The following C14orf132 variants were observed in gnomAD, a reference collection of about 807,000 sequenced individuals.
C14orf132 encodes uncharacterized protein C14orf132.
In C14orf132, 6 loss-of-function variants were observed where a neutral mutation model predicts 5.8. That is an observed-to-expected ratio of 1.03 (90% CI 0.57 to 2.04). The LOEUF (loss-of-function observed/expected upper bound fraction) is 2.04, where lower values mean the gene tolerates loss of function less well. Ranked by LOEUF, C14orf132 falls within the 30% of genes most tolerant of loss-of-function variation. C14orf132 has a pLI of 0.00. For synonymous variants in C14orf132, 51 were observed against 49.8 expected, an observed-to-expected ratio of 1.02 and a Z score of -0.10; for missense variants, 125 against 115.8, an observed-to-expected ratio of 1.08 and a Z score of -0.37.
chr14:96,057,197 C>T (rs1172743777), intron 1 of C14orf132, among the ~76,000 whole-genome samples: 1 of 152,184 alleles, frequency 6.6e-6, no homozygotes, highest in Non-Finnish European at 1.5e-5. Context: ...GGGCTTAACC[C>T]CCTCATGAAT....
Position 96,088,029 on chromosome 14 carries a change from A to G in C14orf132, c.*1294A>G, listed in dbSNP as rs1888258985. 6.9e-6 allele frequency: 1 copy of G among 145,162 alleles called. No homozygotes were observed. Among genetic ancestry groups the G allele is most frequent in the Admixed American group, 7.3e-5 (1 of 13,660 alleles). 9.0% of individuals were successfully genotyped at this position (145,162 alleles called of 1,614,324 possible). A position where few individuals can be genotyped will look rare whatever the true frequency, so the allele number is the denominator to read the frequency against. ...AAAGGTCCCAGAAGGGGGCTCACTC[A>G]CCTCTAGGCCCAGAGAGGCTTTCTC... On this transcript the variant is annotated 3_prime_UTR_variant, in exon 2 of 2. Coordinates refer to ENST00000555004, the MANE Select transcript of C14orf132 (RefSeq NM_001252507.3).
At position 96,039,450 on chromosome 14, in the gene C14orf132, C is replaced by CGCAGTG. The variant is rs1555383467; in HGVS notation, c.-47_-46insTGGCAG. Reference sequence around the variant, plus strand: ...CCGCCAACTGTGCAGGCGGCTGACCCGCAGCGGCAGCGGCAGCAGCGAGGA... The same window carrying CGCAGTG: ...CCGCCAACTGTGCAGGCGGCTGACCCGCAGTGGCAGCGGCAGCGGCAGCAGCGAGGA... On this transcript the variant is annotated 5_prime_UTR_variant, in exon 1 of 2. Coordinates refer to ENST00000555004, the MANE Select transcript of C14orf132 (RefSeq NM_001252507.3). This position sits in a 1 kb window ranked among gnomAD's most constrained non-coding sequence, Gnocchi z 5.3. 4.1e-6 allele frequency: 6 copies of CGCAGTG among 1,476,886 alleles called. No individual in the cohort carries two copies. The African/African-American group carries it at 7.2e-5, about 18-fold the overall frequency. 91.5% of individuals were successfully genotyped at this position (1,476,886 alleles called of 1,614,324 possible).
intron 1 of C14orf132, chr14:96,040,221 A>C (rs1886653585): frequency 5.2e-6 from 2 of 383,432 alleles, no homozygotes; most frequent in South Asian, 2.6e-4. Context: ...AATGCCCTGG[A>C]GTTCTGAGCT....
At chr14:96,067,683 G>A (rs1436113064) in intron 1 of C14orf132, among the ~76,000 whole-genome samples, 1 of 150,298 alleles carries the variant, frequency 6.7e-6, no homozygotes, top group African/African-American at 2.5e-5. Context: ...TGGGCAGCAA[G>A]AGTGAAACTC....
At chr14:96,085,615 T>C (rs1016329395) in intron 1 of C14orf132, among the ~76,000 whole-genome samples, 1 of 152,204 alleles carries the variant, frequency 6.6e-6, no homozygotes, top group Non-Finnish European at 1.5e-5. Flanking sequence ...CGGTGGGAAT[T>C]AGGGAACCTC....
At chr14:96,067,754 T>G (rs1412629362) in intron 1 of C14orf132, among the ~76,000 whole-genome samples, 1 of 151,436 alleles carries the variant, frequency 6.6e-6, no homozygotes, top group East Asian at 2.0e-4. Flanking sequence ...TCATTGTGCC[T>G]GGTCACACTT....
chr14:96,050,493 T>C (rs564514568), intron 1 of C14orf132, among the ~76,000 whole-genome samples: 2 of 152,230 alleles, frequency 1.3e-5, no homozygotes, highest in Admixed American at 1.3e-4. Context: ...GGTGATTCTT[T>C]CCCTGCCTCA....
At chr14:96,043,082 AC>A (rs1886736533) in intron 1 of C14orf132, among the ~76,000 whole-genome samples, 2 of 152,284 alleles carry the variant, frequency 1.3e-5, no homozygotes, top group East Asian at 3.9e-4. Context: ...CTTGCTGCCC[AC>A]CACTTCAAGA....
At chr14:96,069,192 T>TATATATGTATATATAA (rs1233330989) in intron 1 of C14orf132, among the ~76,000 whole-genome samples, 14 of 142,410 alleles carry the variant, frequency 9.8e-5, no homozygotes, top group Non-Finnish European at 2.0e-4. Context: ...TATATATATA[T>TATATATGTATATATAA]ATGTATATAT....
rs1430555302 is a variant in C14orf132 at position 96,093,941 on chromosome 14, T to C, written c.*7206T>C. On this transcript the variant is annotated 3_prime_UTR_variant, in exon 2 of 2. Transcript: ENST00000555004. ...GCTTTATGCAAAGGAGATGATCTAC[T>C]CAGCTTTAAATGGCTCAGCCCCAGC... 2 of 152,222 alleles carry C rather than the reference T, an allele frequency of 1.3e-5. No homozygotes were observed. The highest frequency in any genetic ancestry group is 2.9e-5 in the Non-Finnish European group (2 of 68,042). 9.4% of individuals were successfully genotyped at this position (152,222 alleles called of 1,614,324 possible). A position where few individuals can be genotyped will look rare whatever the true frequency, so the allele number is the denominator to read the frequency against.
intron 1 of C14orf132, among the ~76,000 whole-genome samples, chr14:96,070,596 T>TCACACACA (rs77447486): frequency 4.2e-5 from 6 of 142,662 alleles, no homozygotes; most frequent in Non-Finnish European, 7.6e-5. Flanking sequence ...TCTCTCTCTC[T>TCACACACA]CACACACACA....
At chr14:96,066,223 G>A (rs569362998) in intron 1 of C14orf132, among the ~76,000 whole-genome samples, 15 of 152,222 alleles carry the variant, frequency 9.9e-5, no homozygotes, top group African/African-American at 3.6e-4. Context: ...ATGGACCATG[G>A]GATGCGCGTG....
rs190435873 is a variant in C14orf132, at chr14:96,090,421, A to G, written c.*3686A>G. 231 of 281,516 alleles carry G rather than the reference A, an allele frequency of 8.2e-4. 1 individual carries two copies. The highest frequency in any genetic ancestry group is 4.7e-3 in the African/African-American group (210 of 44,486). The allele number at this position is 281,516 out of a possible 1,614,324, so 17.4% of individuals were successfully genotyped here. A position where few individuals can be genotyped will look rare whatever the true frequency, so the allele number is the denominator to read the frequency against. Reference sequence around the variant, plus strand: ...AAAAAAAAAAGAAAAGAAAAAAAAAAAGAGCAACTTACTGCTTTGTGAGGT... The same window carrying G: ...AAAAAAAAAAGAAAAGAAAAAAAAAGAGAGCAACTTACTGCTTTGTGAGGT... On this transcript the variant is annotated 3_prime_UTR_variant, in exon 2 of 2. Transcript: ENST00000555004.
intron 1 of C14orf132, among the ~76,000 whole-genome samples, chr14:96,072,128 G>A (rs1222280526): frequency 6.6e-6 from 1 of 152,240 alleles, no homozygotes; most frequent in Non-Finnish European, 1.5e-5. Context: ...AGGGAGCCGT[G>A]CCCACGCTGT....
In C14orf132 at chr14:96,061,024, GAC is replaced by G. The variant is rs546179423; in HGVS notation, c.27+21499_27+21500del. On this transcript the variant is annotated intron_variant, in intron 1 of 1. Coordinates refer to ENST00000555004, the MANE Select transcript of C14orf132 (RefSeq NM_001252507.3). ...ACCATCTTTAAATAGTAAAAACAAA[GAC>G]AATGCCACGACCATCACCTACTACT... Among the ~76,000 whole-genome samples, 6 of 152,214 alleles carry G rather than the reference GAC, an allele frequency of 3.9e-5. 1 individual carries two copies. The East Asian group carries it at 9.6e-4, about 24-fold the overall frequency.
chr14:96,088,129 G>A lies in C14orf132; in HGVS notation c.*1394G>A, dbSNP rs571524195. On this transcript the variant is annotated 3_prime_UTR_variant, in exon 2 of 2. Transcript: ENST00000555004. Reference sequence around the variant, plus strand: ...TGTAGTGGAGAAACTTAAAAAGCTGGTTAGGAAGCTCTCGTGTATATTTAG... The same window carrying A: ...TGTAGTGGAGAAACTTAAAAAGCTGATTAGGAAGCTCTCGTGTATATTTAG... The A allele has an allele frequency of 6.6e-6, 1 of 152,328 alleles. No homozygotes were observed. The highest frequency in any genetic ancestry group is 2.1e-4 in the South Asian group (1 of 4,820). 9.4% of individuals were successfully genotyped at this position (152,328 alleles called of 1,614,324 possible).
chr14:96,040,191 C>T (rs1310855098), intron 1 of C14orf132: 2 of 274,396 alleles, frequency 7.3e-6, no homozygotes, highest in African/African-American at 4.6e-5. Context: ...TCTCTCACAG[C>T]TTGAATTTTC....
intron 1 of C14orf132, among the ~76,000 whole-genome samples, chr14:96,077,587 G>A (rs544157606): frequency 7.2e-5 from 11 of 152,116 alleles, no homozygotes; most frequent in African/African-American, 9.7e-5. Flanking sequence ...CAGCCTTACC[G>A]ACACCTTGAT....
At chr14:96,083,099 A>C (rs1888077271) in intron 1 of C14orf132, among the ~76,000 whole-genome samples, 1 of 152,208 alleles carries the variant, frequency 6.6e-6, no homozygotes, top group Non-Finnish European at 1.5e-5. Flanking sequence ...ACTCCCCATG[A>C]GGCCTGTCCC....
Sources: gnomAD v4.1 joint callset for allele counts (sites outside exome capture counted in the v4.1 genomes callset) on GRCh38, gnomAD v4.1.1 for gene constraint, Gnocchi (gnomAD v3.1) non-coding constraint, MANE v1.5 for transcripts, NCBI Gene and HGNC (gene_info 2026-07-23, HGNC 2026-07-21) for gene names.